XKR5: variants seen among roughly 807,000 people sequenced by gnomAD.
The protein encoded by XKR5 is XK-related protein 5.
Under a neutral mutation model 40.8 loss-of-function variants are expected in XKR5, and 46 were observed. The observed-to-expected ratio is 1.13, with a 90% CI of 0.89 to 1.44. The LOEUF (loss-of-function observed/expected upper bound fraction) is 1.44. Ranked by LOEUF, XKR5 falls within the 40% of genes most tolerant of loss-of-function variation. XKR5 has a pLI of 0.00. For synonymous variants in XKR5, 466 were observed against 356.1 expected, an observed-to-expected ratio of 1.31 and a Z score of -3.48; for missense variants, 1,169 against 844.7, an observed-to-expected ratio of 1.38 and a Z score of -4.76.
intron 6 of XKR5, among the ~76,000 whole-genome samples, chr8:6,812,585 C>CT (rs1178404054): frequency 1.3e-5 from 2 of 152,194 alleles, no homozygotes; most frequent in Admixed American, 1.3e-4. Flanking sequence ...TGATTCTATG[C>CT]TTTTGTCTTG....
Position 6,811,253 on chromosome 8 carries a change from T to C in XKR5, c.2006A>G (p.Gln669Arg). Reference protein sequence around the residue: ...LTSTPKSESIQTDCSCREQMK... With the variant: ...LTSTPKSESIRTDCSCREQMK... ...CTGTTCCCTGCAGCTGCAGTCCGTT[T>C]GGATAGACTCAGACTTAGGGGTGGA... Residue 669 changes from glutamine (Q) to arginine (R), a missense_variant, in exon 7 of 7, where the codon CAA (glutamine) becomes CGA (arginine). Coordinates refer to ENST00000618742, the MANE Select transcript of XKR5 (RefSeq NM_207411.5). 6.5e-7 allele frequency: 1 copy of C among 1,537,344 alleles called. No homozygotes were observed. Among genetic ancestry groups the C allele is most frequent in the South Asian group, 1.2e-5 (1 of 84,066 alleles).
chr8:6,823,837 T>C, intron 3 of XKR5, 107 bp from the exon 4 acceptor site: 1 of 981,600 alleles, frequency 1.0e-6, no homozygotes. Flanking sequence ...TAACCTCTTG[T>C]TAAAGCCTGG....
chr8:6,828,028 C>A (rs1395117617), intron 2 of XKR5, among the ~76,000 whole-genome samples: 1 of 151,996 alleles, frequency 6.6e-6, no homozygotes, highest in Non-Finnish European at 1.5e-5. Context: ...ATAATTATGC[C>A]ACTGCACTCC....
At chr8:6,830,331 TA>T (rs1250469704) in intron 2 of XKR5, among the ~76,000 whole-genome samples, 1 of 152,208 alleles carries the variant, frequency 6.6e-6, no homozygotes. Flanking sequence ...ATTGCCTCAC[TA>T]AAAATACTGC....
chr8:6,825,242 G>A lies in XKR5; in HGVS notation c.350C>T (p.Ala117Val), dbSNP rs989548017. 5.0e-6 allele frequency: 8 copies of A among 1,612,612 alleles called. No individual in the cohort carries two copies. The highest frequency in any genetic ancestry group is 2.2e-5 in the South Asian group (2 of 90,898). The stretch of plus-strand genomic sequence containing the variant: ...CAGGTGGGGCCCAGTCTGCAGCAGG[G>A]CCTCCAAGAGTCGAAGGGCCGACAG... The part of the protein sequence containing the change: ...ADLSALRLLE[A>V]LLQTGPHLLL... Residue 117 changes from alanine to valine, a missense_variant, in exon 3 of 7, where the codon GCC becomes GTC. Transcript: ENST00000618742.
intron 6 of XKR5, among the ~76,000 whole-genome samples, chr8:6,815,264 C>T (rs1803904800): frequency 6.6e-6 from 1 of 152,178 alleles, no homozygotes; most frequent in Non-Finnish European, 1.5e-5. Context: ...ACCTTGGGGC[C>T]ATGCATTCAT....
rs748032802 is a variant in XKR5 at position 6,833,489 on chromosome 8, G to C, written c.59-589C>G. The stretch of plus-strand genomic sequence containing the variant: ...ATTAAAAACAAAACCAAAGCACTTT[G>C]GGAGGCCGAGGTGGGCAGATTGCTC... On this transcript the variant is annotated intron_variant, in intron 1 of 6. Coordinates refer to ENST00000618742, the MANE Select transcript of XKR5 (RefSeq NM_207411.5). 1.8e-4 allele frequency among the ~76,000 whole-genome samples: 27 copies of C among 152,288 alleles called. No individual in the cohort carries two copies. The Middle Eastern group carries it at 0.01, about 58-fold the overall frequency.
chr8:6,816,706 T>C (rs1803974935), intron 5 of XKR5, among the ~76,000 whole-genome samples: 1 of 147,622 alleles, frequency 6.8e-6, no homozygotes, highest in Non-Finnish European at 1.5e-5. Flanking sequence ...AATTTAATTT[T>C]ATTTAATTAA....
chr8:6,820,552 C>G (rs1214680401), intron 5 of XKR5, among the ~76,000 whole-genome samples: 3 of 151,514 alleles, frequency 2.0e-5, no homozygotes, highest in Non-Finnish European at 4.4e-5. Context: ...TATGAATAAG[C>G]CACTTCAGCA....
chr8:6,815,856 C>G lies in XKR5; in HGVS notation c.870G>C (p.Ser290=). ...CAGCTATGGTCTGCAGGCTGGTCCA[C>G]GATGCCCCCTGGAGAAAGTCGGTGG... ...LLATDFLQGA[S]WTSLQTIAGV... Residue 290 remains serine, a synonymous_variant, in exon 6 of 7, where the codon TCG becomes TCC. Coordinates refer to ENST00000618742, the MANE Select transcript of XKR5 (RefSeq NM_207411.5). 1.2e-6 allele frequency: 2 copies of G among 1,605,586 alleles called. No individual in the cohort carries two copies.
At chr8:6,813,200 GC>G (rs1419271260) in intron 6 of XKR5, among the ~76,000 whole-genome samples, 2 of 152,202 alleles carry the variant, frequency 1.3e-5, no homozygotes, top group African/African-American at 4.8e-5. Context: ...AGATCAAGCA[GC>G]TGGTTAGTGG....
chr8:6,822,737 T>C (rs1324236059), intron 4 of XKR5, among the ~76,000 whole-genome samples: 4 of 152,238 alleles, frequency 2.6e-5, no homozygotes, highest in Non-Finnish European at 5.9e-5. Context: ...ACACAGGCCC[T>C]ATTCAGGGAA....
intron 2 of XKR5, among the ~76,000 whole-genome samples, chr8:6,828,362 C>G (rs977167575): frequency 1.3e-5 from 2 of 152,090 alleles, no homozygotes; most frequent in Admixed American, 6.6e-5. Flanking sequence ...AAATGAAGGT[C>G]CATGTCTGGG....
intron 1 of XKR5, among the ~76,000 whole-genome samples, chr8:6,833,634 T>A (rs762535364): frequency 5.9e-5 from 9 of 152,174 alleles, no homozygotes; most frequent in Non-Finnish European, 1.3e-4. Flanking sequence ...CAGAATGGCT[T>A]CAACTCAGGA....
chr8:6,830,047 C>G (rs1464727802), intron 2 of XKR5, among the ~76,000 whole-genome samples: 1 of 151,884 alleles, frequency 6.6e-6, no homozygotes, highest in African/African-American at 2.4e-5. Flanking sequence ...CCGTGTTAGC[C>G]AGGATGGTCT....
chr8:6,833,126 C>A (rs536815189), intron 1 of XKR5, among the ~76,000 whole-genome samples: 91 of 152,312 alleles, frequency 6.0e-4, no homozygotes, highest in African/African-American at 2.0e-3. Context: ...TAGCCAGAGC[C>A]AGACCTCCCC....
chr8:6,830,294 T>C (rs548489586), intron 2 of XKR5, among the ~76,000 whole-genome samples: 4 of 152,346 alleles, frequency 2.6e-5, no homozygotes, highest in East Asian at 3.9e-4. Context: ...ACAGGTCCTT[T>C]TCTAGAATTG....
intron 5 of XKR5, among the ~76,000 whole-genome samples, chr8:6,817,477 C>T (rs1210155794): frequency 6.6e-6 from 1 of 152,144 alleles, no homozygotes; most frequent in Admixed American, 6.5e-5. Flanking sequence ...GAACTCCAGA[C>T]TCAGCACATA....
rs1803705082 is a variant in XKR5, at chr8:6,811,744, G to A, written c.1515C>T (p.Ala505=). The A allele has an allele frequency of 3.3e-6, 5 of 1,537,580 alleles. No homozygotes were observed. Among genetic ancestry groups the A allele is most frequent in the East Asian group, 2.4e-5 (1 of 40,920 alleles). The part of the protein sequence containing the change: ...QDEAPTQNPA[A]TQGEGTPKEG... ...CCTTTGGGGTGCCCTCCCCCTGCGT[G>A]GCTGCTGGGTTCTGGGTAGGTGCTT... The change falls in exon 7 of 7, where the codon GCC becomes GCT. Residue 505 remains alanine, a synonymous_variant. Coordinates refer to ENST00000618742, the MANE Select transcript of XKR5 (RefSeq NM_207411.5).
Sources: allele counts gnomAD v4.1 joint callset (sites outside exome capture counted in the v4.1 genomes callset), GRCh38; gene constraint gnomAD v4.1.1; transcripts MANE v1.5; gene names NCBI Gene and HGNC (gene_info 2026-07-23, HGNC 2026-07-21).